DNAAF4: variants seen among roughly 807,000 people sequenced by gnomAD.
DNAAF4 encodes the protein dynein axonemal assembly factor 4, also known as dynein assembly factor 4, axonemal.
Under a neutral mutation model 51.8 loss-of-function variants are expected in DNAAF4, and 43 were observed. The observed-to-expected ratio is 0.83, with a 90% CI of 0.65 to 1.07. DNAAF4 has a LOEUF of 1.07. Ranked by LOEUF, DNAAF4 falls within the 50% of genes least tolerant of loss-of-function variation. The pLI is 0.00. For missense variants in DNAAF4, 581 were observed against 493.0 expected (o/e 1.18, Z -1.69); for synonymous variants, 194 against 165.6 (o/e 1.17, Z -1.32).
chr15:55,494,022 T>A (rs989772556), intron 3 of DNAAF4, among the ~76,000 whole-genome samples: 1 of 151,368 alleles, frequency 6.6e-6, no homozygotes, highest in Non-Finnish European at 1.5e-5. Context: ...TGAGTTTGAT[T>A]TCTTTCTTGT....
chr15:55,494,362 T>C (rs933950826), intron 3 of DNAAF4, among the ~76,000 whole-genome samples: 2 of 152,046 alleles, frequency 1.3e-5, no homozygotes, highest in Non-Finnish European at 1.5e-5. Flanking sequence ...ATCTCAAACC[T>C]GGTTTCTGAA....
chr15:55,493,755 G>C (rs554045407), intron 3 of DNAAF4, among the ~76,000 whole-genome samples: 5 of 152,114 alleles, frequency 3.3e-5, no homozygotes, highest in Non-Finnish European at 5.9e-5. Flanking sequence ...CCAGGTTGGA[G>C]TGCAGCATTA....
downstream of DNAAF4, among the ~76,000 whole-genome samples, chr15:55,427,641 CTTT>C (rs796446185): frequency 2.1e-5 from 3 of 145,224 alleles, no homozygotes; most frequent in African/African-American, 7.6e-5. Flanking sequence ...AGTATGACTT[CTTT>C]TTTTTTTTGA....
At chr15:55,443,176 A>G (rs1595899364) in intron 6 of DNAAF4, 5 of 1,610,404 alleles carry the variant, frequency 3.1e-6, no homozygotes, top group Middle Eastern at 1.7e-4. Context: ...CTGGTCAAAG[A>G]GCAGTCTTAG....
chr15:55,443,001 G>A, intron 6 of DNAAF4: 1 of 1,611,398 alleles, frequency 6.2e-7, no homozygotes, highest in South Asian at 1.1e-5. Flanking sequence ...CAAAGCCCAG[G>A]CCATCATCAA....
intron 4 of DNAAF4, among the ~76,000 whole-genome samples, chr15:55,471,469 A>C (rs2058253939): frequency 6.6e-6 from 1 of 152,076 alleles, no homozygotes; most frequent in Non-Finnish European, 1.5e-5. Flanking sequence ...CAGGGACCAA[A>C]TATATATTTT....
intron 7 of DNAAF4, among the ~76,000 whole-genome samples, chr15:55,424,370 T>C (rs1179030876): frequency 6.6e-6 from 1 of 152,244 alleles, no homozygotes; most frequent in African/African-American, 2.4e-5. Flanking sequence ...CTGTCCTTTA[T>C]AAATTACCTA....
At chr15:55,458,936 C>T (rs1404084622) in intron 5 of DNAAF4, among the ~76,000 whole-genome samples, 2 of 151,940 alleles carry the variant, frequency 1.3e-5, no homozygotes, top group South Asian at 2.1e-4. Flanking sequence ...ATCAGCCAGG[C>T]GTGGTGGCAG....
At chr15:55,501,002 A>T (rs1595962741) in intron 1 of DNAAF4, among the ~76,000 whole-genome samples, 1 of 143,888 alleles carries the variant, frequency 6.9e-6, no homozygotes. Flanking sequence ...CAAAAAAAAA[A>T]AAAAAAAAAA....
downstream of DNAAF4, among the ~76,000 whole-genome samples, chr15:55,427,748 G>A (rs2057445029): frequency 6.6e-6 from 1 of 151,920 alleles, no homozygotes; most frequent in East Asian, 1.9e-4. Flanking sequence ...GGATTCTCCT[G>A]CCTCAGCATC....
chr15:55,422,058 A>G (rs1249652745), intron 7 of DNAAF4, among the ~76,000 whole-genome samples: 1 of 151,860 alleles, frequency 6.6e-6, no homozygotes, highest in African/African-American at 2.4e-5. Flanking sequence ...ATATTTTTAT[A>G]TATTTACAAA....
Position 55,430,345 on chromosome 15 carries a change from T to A in DNAAF4, c.*325A>T. On this transcript the variant is annotated 3_prime_UTR_variant, in exon 10 of 10. Transcript: ENST00000321149. ...CTTTTATTTTAAAATTCTACCTTGT[T>A]AAAAATTAATCAGTAAGTGTCCTGG... The A allele has an allele frequency of 1.0e-6, 1 of 970,752 alleles. No individual in the cohort carries two copies. The allele number at this position is 970,752 out of a possible 1,614,324, so 60.1% of individuals were successfully genotyped here. A position where few individuals can be genotyped will look rare whatever the true frequency, so the allele number is the denominator to read the frequency against.
chr15:55,489,220 A>G (rs538906944), intron 4 of DNAAF4, among the ~76,000 whole-genome samples: 7 of 152,354 alleles, frequency 4.6e-5, no homozygotes, highest in Admixed American at 6.5e-5. Context: ...ATTTCAGTGA[A>G]TATCTATTGC....
chr15:55,507,005 A>G (rs573690498), intron 1 of DNAAF4, among the ~76,000 whole-genome samples: 4 of 152,044 alleles, frequency 2.6e-5, no homozygotes, highest in African/African-American at 9.6e-5. Flanking sequence ...ACCCACCACC[A>G]AGCCTGGCTA....
rs79964530 is a variant in DNAAF4 at position 55,498,911 on chromosome 15, CAA to C, written c.-255-329_-255-328del. On this transcript the variant is annotated intron_variant, in intron 1 of 9. Transcript: ENST00000321149. ...GGGAAACAAGAGCGAAACTCCGTCT[CAA>C]AAAAAAAAAAAGAAAAGAAAAAGAA... Among the ~76,000 whole-genome samples the C allele has an allele frequency of 0.099, 10,390 of 104,574 alleles. 431 individuals are homozygous for C. The highest frequency in any genetic ancestry group is 0.13 in the South Asian group (384 of 2,936). 68.6% of individuals were successfully genotyped at this position (104,574 alleles called of 152,430 possible).
Position 55,430,749 on chromosome 15 carries a change from A to C in DNAAF4, c.1184T>G (p.Ile395Ser), listed in dbSNP as rs767092535. Residue 395 changes from isoleucine to serine, a missense_variant, in exon 10 of 10, where the codon ATT becomes AGT. By Grantham distance (142) the Ile-to-Ser change is moderately radical (BLOSUM62 -2). Coordinates refer to ENST00000321149, the MANE Select transcript of DNAAF4 (RefSeq NM_130810.4). ...GLQDYEAALK[I>S]DPSNKIVQID... Reference sequence around the variant, plus strand: ...TTGTACAATTTTGTTGGATGGATCAATCTTAAGTGCCGCTTCATAATCCTG... The same window carrying C: ...TTGTACAATTTTGTTGGATGGATCACTCTTAAGTGCCGCTTCATAATCCTG... 16 of 1,613,292 alleles carry C rather than the reference A, an allele frequency of 9.9e-6. 1 individual carries two copies. Among genetic ancestry groups the C allele is most frequent in the Non-Finnish European group, 1.4e-5 (16 of 1,179,616 alleles).
In DNAAF4 at chr15:55,508,207, T is replaced by A. The variant is rs1429372058; in HGVS notation, c.-341A>T. The A allele has an allele frequency of 6.6e-6, 1 of 152,250 alleles. No homozygotes were observed. Among genetic ancestry groups the A allele is most frequent in the Admixed American group, 6.5e-5 (1 of 15,282 alleles). 9.4% of individuals were successfully genotyped at this position (152,250 alleles called of 1,614,324 possible). ...GGGCCAGAGTAGTCTGCTGGATCCA[T>A]GGTGTGGGTTTGCATAATAGGAGAG... On this transcript the variant is annotated 5_prime_UTR_variant, in exon 1 of 10. It removes an upstream start codon present in the reference 5' UTR. Coordinates refer to ENST00000321149, the MANE Select transcript of DNAAF4 (RefSeq NM_130810.4).
At chr15:55,496,746 T>C (rs1437799793) in intron 3 of DNAAF4, among the ~76,000 whole-genome samples, 1 of 152,098 alleles carries the variant, frequency 6.6e-6, no homozygotes, top group Non-Finnish European at 1.5e-5. Context: ...CATAAGCCTT[T>C]TTTTTTTTCT....
At chr15:55,432,635 T>C in intron 8 of DNAAF4, 33 bp from the exon 9 acceptor site, 1 of 1,553,890 alleles carries the variant, frequency 6.4e-7, no homozygotes, top group Non-Finnish European at 8.8e-7. Context: ...TACAAGAAAG[T>C]TATAGTTTCT....
Sources: allele counts gnomAD v4.1 joint callset (sites outside exome capture counted in the v4.1 genomes callset), GRCh38; gene constraint gnomAD v4.1.1; transcripts MANE v1.5; gene names NCBI Gene and HGNC (gene_info 2026-07-23, HGNC 2026-07-21).